Variants in DLG2 observed in about 807,000 individuals in gnomAD.
DLG2 encodes disks large homolog 2.
Under a neutral mutation model 132.5 loss-of-function variants are expected in DLG2, and 45 were observed. That is an observed-to-expected ratio of 0.34 (90% confidence interval 0.27 to 0.44). DLG2 has a LOEUF of 0.44. Ranked by LOEUF, DLG2 falls within the 20% of genes least tolerant of loss-of-function variation. The probability of loss-of-function intolerance (pLI) is 1.00; values close to 1 mark genes in which losing one functional copy is unlikely to be tolerated. For synonymous variants in DLG2, 424 were observed against 419.6 expected, an observed-to-expected ratio of 1.01 and a Z score of -0.13; for missense variants, 1,045 against 1,196.9, an observed-to-expected ratio of 0.87 and a Z score of 1.87.
intron 6 of DLG2, among the ~76,000 whole-genome samples, chr11:84,540,360 A>C (rs1322838909): frequency 3.3e-5 from 5 of 150,068 alleles, no homozygotes; most frequent in Admixed American, 6.6e-5. Context: ...AAAAAAAAAA[A>C]CCCCATCAAA....
intron 6 of DLG2, among the ~76,000 whole-genome samples, chr11:84,830,964 C>G (rs1239302652): frequency 1.8e-5 from 2 of 110,190 alleles, no homozygotes; most frequent in Non-Finnish European, 1.8e-5. Context: ...CCCCACCCCC[C>G]CCAGCTCTGT....
chr11:85,623,486 G>A (rs1410825193), intron 2 of DLG2, among the ~76,000 whole-genome samples: 1 of 152,098 alleles, frequency 6.6e-6, no homozygotes, highest in Non-Finnish European at 1.5e-5. Context: ...TGTATTTTTA[G>A]TAGAGATGGG....
At chr11:85,601,590 C>T (rs1333040957) in intron 2 of DLG2, among the ~76,000 whole-genome samples, 1 of 152,062 alleles carries the variant, frequency 6.6e-6, no homozygotes, top group Non-Finnish European at 1.5e-5. Context: ...CCACCCACCT[C>T]GGCCTCCCAA....
chr11:84,989,200 G>C (rs533104385), intron 6 of DLG2, among the ~76,000 whole-genome samples: 2 of 152,028 alleles, frequency 1.3e-5, no homozygotes, highest in South Asian at 4.1e-4. Context: ...TTTTGAGATG[G>C]AGTTTCGCTC....
chr11:85,232,208 A>G (rs1355038335), intron 4 of DLG2, among the ~76,000 whole-genome samples: 4 of 151,952 alleles, frequency 2.6e-5, no homozygotes, highest in Admixed American at 6.6e-5. Context: ...TTAATGCCCA[A>G]AAACAGTTGC....
At chr11:84,880,514 T>C (rs773402333) in intron 6 of DLG2, among the ~76,000 whole-genome samples, 6 of 152,112 alleles carry the variant, frequency 3.9e-5, no homozygotes, top group Non-Finnish European at 8.8e-5. Context: ...CACTTCCAAT[T>C]TGAATAAATA....
intron 6 of DLG2, among the ~76,000 whole-genome samples, chr11:85,000,216 G>T (rs1357238120): frequency 6.6e-6 from 1 of 151,946 alleles, no homozygotes; most frequent in African/African-American, 2.4e-5. Context: ...ACTCATATTT[G>T]TACAGTATTT....
chr11:85,063,616 A>G (rs902981541), intron 6 of DLG2, among the ~76,000 whole-genome samples: 1 of 151,940 alleles, frequency 6.6e-6, no homozygotes, highest in Non-Finnish European at 1.5e-5. Flanking sequence ...GTTTTAAGTT[A>G]TAAAGCATAG....
At chr11:84,177,306 T>TA (rs1284511203) in intron 8 of DLG2, among the ~76,000 whole-genome samples, 1 of 152,188 alleles carries the variant, frequency 6.6e-6, no homozygotes, top group African/African-American at 2.4e-5. Context: ...TTTCTTTCTC[T>TA]AGCCCTCCTA....
intron 2 of DLG2, among the ~76,000 whole-genome samples, chr11:85,605,716 C>T (rs184777479): frequency 2.3e-4 from 35 of 152,300 alleles, no homozygotes; most frequent in Non-Finnish European, 4.3e-4. Flanking sequence ...CGGTGGCTCA[C>T]GCCTGTAATA....
intron 11 of DLG2, 28 bp from the exon 12 acceptor site, chr11:83,980,670 G>C: frequency 6.6e-7 from 1 of 1,505,608 alleles, no homozygotes; most frequent in Non-Finnish European, 8.9e-7. Flanking sequence ...AAAATGGAAA[G>C]CCTTGTTTTG....
At chr11:85,500,413 GA>G (rs2093771527) in intron 3 of DLG2, among the ~76,000 whole-genome samples, 1 of 108,950 alleles carries the variant, frequency 9.2e-6, no homozygotes, top group Non-Finnish European at 1.7e-5. Flanking sequence ...AGGGGGGAGG[GA>G]TAGCATTGGG....
chr11:85,100,752 A>T (rs2070727885), intron 6 of DLG2, among the ~76,000 whole-genome samples: 1 of 152,148 alleles, frequency 6.6e-6, no homozygotes, highest in African/African-American at 2.4e-5. Flanking sequence ...TGCCTCAGTT[A>T]CTTAGGTTAG....
chr11:84,301,999 C>A (rs542109106), intron 7 of DLG2, among the ~76,000 whole-genome samples: 3 of 152,216 alleles, frequency 2.0e-5, no homozygotes, highest in African/African-American at 7.2e-5. Context: ...ACGCATACAC[C>A]AGGGAATACT....
intron 21 of DLG2, among the ~76,000 whole-genome samples, chr11:83,486,543 A>ATTCT (rs1261729776): frequency 6.6e-6 from 1 of 152,072 alleles, no homozygotes; most frequent in African/African-American, 2.4e-5. Context: ...TCTGTGATTA[A>ATTCT]TTCTTTTATG....
chr11:83,673,922 C>A (rs1181725997), intron 18 of DLG2, among the ~76,000 whole-genome samples: 1 of 152,234 alleles, frequency 6.6e-6, no homozygotes, highest in Non-Finnish European at 1.5e-5. Flanking sequence ...TCTGCCCTAT[C>A]CAAATCCCTG....
chr11:84,799,779 T>C (rs1470773381), intron 6 of DLG2, among the ~76,000 whole-genome samples: 1 of 152,228 alleles, frequency 6.6e-6, no homozygotes, highest in Non-Finnish European at 1.5e-5. Context: ...AGGTAGTTAT[T>C]TCCTGAGTAG....
intron 4 of DLG2, among the ~76,000 whole-genome samples, chr11:85,284,254 T>G (rs1047230892): frequency 1.3e-5 from 2 of 151,916 alleles, no homozygotes; most frequent in African/African-American, 4.8e-5. Flanking sequence ...TATCTATTAT[T>G]TATCAAATTA....
intron 3 of DLG2, among the ~76,000 whole-genome samples, chr11:85,593,027 G>A (rs2079474894): frequency 6.6e-6 from 1 of 151,458 alleles, no homozygotes; most frequent in Admixed American, 6.6e-5. Context: ...AGGAGGGAGG[G>A]AGGGAAGGAA....
Sources: allele counts gnomAD v4.1 joint callset (sites outside exome capture counted in the v4.1 genomes callset), GRCh38; gene constraint gnomAD v4.1.1; transcripts MANE v1.5; gene names NCBI Gene and HGNC (gene_info 2026-07-23, HGNC 2026-07-21).